The following UPF1 variants were observed in gnomAD, a reference collection of about 807,000 sequenced individuals.
The protein encoded by UPF1 is UPF1 RNA helicase and ATPase.
A neutral mutation model predicts 129.2 loss-of-function variants in UPF1; 9 were observed. The observed-to-expected ratio is 0.07, with a 90% CI of 0.04 to 0.12. The LOEUF (loss-of-function observed/expected upper bound fraction) is 0.12, where lower values mean the gene tolerates loss of function less well. Among genes scored for constraint, UPF1 ranks in the 10% least tolerant of loss-of-function variants. The pLI is 1.00. For synonymous variants in UPF1, 649 were observed against 644.9 expected (o/e 1.01, Z -0.10); for missense variants, 788 against 1,525.3 (o/e 0.52, Z 8.05).
chr19:18,845,906 C>A (rs2055591448), intron 1 of UPF1, 74 bp from the exon 2 acceptor site: 3 of 1,555,188 alleles, frequency 1.9e-6, no homozygotes, highest in Admixed American at 3.7e-5. Flanking sequence ...ACACCAGAGT[C>A]ATCGAGGCTG....
At chr19:18,844,983 C>T (rs2055582195) in intron 1 of UPF1, among the ~76,000 whole-genome samples, 1 of 152,268 alleles carries the variant, frequency 6.6e-6, no homozygotes, top group South Asian at 2.1e-4. Flanking sequence ...AGCACGTGCC[C>T]ATGCACCCCA....
chr19:18,850,221 CAGT>C lies in UPF1; in HGVS notation c.609_611del (p.Val206del). Reference sequence around the variant, plus strand: ...GGCTTCATCCCGGCCAAAGCTGACTCAGTGGTGGTGCTGCTGTGCAGGTGAGTG... The same window carrying C: ...GGCTTCATCCCGGCCAAAGCTGACTCGGTGGTGCTGCTGTGCAGGTGAGTG... On this transcript the variant is annotated inframe_deletion, in exon 4 of 24. Transcript: ENST00000262803. This position sits in a 1 kb window ranked among gnomAD's most constrained non-coding sequence, Gnocchi z 7.1. The C allele has an allele frequency of 1.2e-6, 2 of 1,611,526 alleles. No individual in the cohort carries two copies. Among genetic ancestry groups the C allele is most frequent in the Non-Finnish European group, 8.5e-7 (1 of 1,178,648 alleles).
chr19:18,864,741 T>TTG (rs999596310), intron 20 of UPF1, among the ~76,000 whole-genome samples: 16 of 139,330 alleles, frequency 1.1e-4, no homozygotes, highest in Non-Finnish European at 1.6e-4. Context: ...GTGTTTTTTT[T>TTG]TTTTTTTTTT....
At chr19:18,852,058 C>T in intron 5 of UPF1, 77 bp from the exon 6 acceptor site, 9 of 1,476,508 alleles carry the variant, frequency 6.1e-6, no homozygotes, top group Non-Finnish European at 7.2e-6. Context: ...CTCCATCCCT[C>T]TGGTGCCTCT....
At chr19:18,860,749 G>T (rs2055769640) in intron 16 of UPF1, 77 bp from the exon 17 acceptor site, 1 of 1,572,970 alleles carries the variant, frequency 6.4e-7, no homozygotes, top group East Asian at 2.3e-5. Flanking sequence ...TGTTGTGTCT[G>T]CACCCCTCAC....
Position 18,867,943 on chromosome 19 carries a change from C to T in UPF1, c.*1426C>T, listed in dbSNP as rs1268492304. On this transcript the variant is annotated 3_prime_UTR_variant, in exon 24 of 24. Transcript: ENST00000262803. ...TTCTGGCAGGGACTCTTATTTATTC[C>T]CATTGCTCTAGGGCTTTCGGTTTCC... The T allele has an allele frequency of 6.5e-6, 1 of 152,904 alleles. No homozygotes were observed. The highest frequency in any genetic ancestry group is 1.5e-5 in the Non-Finnish European group (1 of 68,524). 9.5% of individuals were successfully genotyped at this position (152,904 alleles called of 1,614,324 possible).
rs550459325 is a variant in UPF1 at position 18,849,678 on chromosome 19, G to A, written c.462-397G>A. On this transcript the variant is annotated intron_variant, in intron 3 of 23. Transcript: ENST00000262803. ...CCTCTGAGGAGTGATTTCAGAAGAA[G>A]CCACAGAAGATGGTGGCGGGGGTTG... The A allele has an allele frequency of 9.6e-6, 2 of 207,538 alleles. 1 individual carries two copies. Among genetic ancestry groups the A allele is most frequent in the South Asian group, 1.2e-4 (2 of 16,698 alleles). 12.9% of individuals were successfully genotyped at this position (207,538 alleles called of 1,614,324 possible). A position where few individuals can be genotyped will look rare whatever the true frequency, so the allele number is the denominator to read the frequency against.
At chr19:18,839,125 A>C (rs886122663) in intron 1 of UPF1, among the ~76,000 whole-genome samples, 1 of 151,920 alleles carries the variant, frequency 6.6e-6, no homozygotes, top group Non-Finnish European at 1.5e-5. Context: ...GGAGTCTCGC[A>C]CTGTCGCCCA....
Position 18,853,237 on chromosome 19 carries a change from CT to C in UPF1, c.1058-9del. 6.2e-7 allele frequency: 1 copy of C among 1,606,488 alleles called. No homozygotes were observed. The highest frequency in any genetic ancestry group is 8.5e-7 in the Non-Finnish European group (1 of 1,175,368). On this transcript the variant is annotated splice_polypyrimidine_tract_variant and intron_variant, in intron 7 of 23. Transcript: ENST00000262803. This position sits in a 1 kb window ranked among gnomAD's most constrained non-coding sequence, Gnocchi z 4.4. ...TGGGTTAAAATGGCCACCTCTCTCA[CT>C]TTTTTACCTCAAGACATGCGGCTCA...
chr19:18,857,173 A>C, intron 14 of UPF1, 147 bp from the exon 15 acceptor site: 1 of 1,476,920 alleles, frequency 6.8e-7, no homozygotes, highest in Non-Finnish European at 9.1e-7. Context: ...GGGTTCTGCC[A>C]GCTGCACGTC....
In UPF1 at chr19:18,860,940, G is replaced by A; in HGVS notation, c.2415G>A (p.Gln805=). Residue 805 remains glutamine (Q), a synonymous_variant, in exon 17 of 24, where the codon CAG becomes CAA. Coordinates refer to ENST00000262803, the MANE Select transcript of UPF1 (RefSeq NM_002911.4). The part of the protein sequence containing the change: ...PYEGQRSYLV[Q]YMQFSGSLHT... The stretch of plus-strand genomic sequence containing the variant: ...AGGGCCAGCGCTCCTACCTGGTGCA[G>A]TACATGCAGTTCAGCGGCTCCCTGC... 6.3e-7 allele frequency: 1 copy of A among 1,592,124 alleles called. No individual in the cohort carries two copies. The highest frequency in any genetic ancestry group is 2.3e-5 in the East Asian group (1 of 43,616).
intron 1 of UPF1, among the ~76,000 whole-genome samples, chr19:18,839,405 AGAACTT>A (rs1423620352): frequency 6.6e-6 from 1 of 152,256 alleles, no homozygotes; most frequent in East Asian, 1.9e-4. Flanking sequence ...CTTTAAGTAT[AGAACTT>A]AGTGCTGTTT....
Position 18,865,843 on chromosome 19 carries a change from C to A in UPF1, c.3237+65C>A. 1 of 1,599,810 alleles carries A rather than the reference C, an allele frequency of 6.3e-7. No individual in the cohort carries two copies. Among genetic ancestry groups the A allele is most frequent in the East Asian group, 2.2e-5 (1 of 44,616 alleles). ...TGGGGCTATGCACCTGAAACATTCC[C>A]TCTGAAGAGCCCCAGAGAGCTGGCC... On this transcript the variant is annotated intron_variant, in intron 22 of 23. Transcript: ENST00000262803. This position sits in a 1 kb window ranked among gnomAD's most constrained non-coding sequence, Gnocchi z 6.1.
In UPF1 at chr19:18,865,961, C is replaced by T. The variant is rs1272965829; in HGVS notation, c.3238-83C>T. ...TTAGTTTGGGGACGGGTTTTCCATTCTTTTCTCTGGGGCTGCTGAGGGCTG... is the reference window on the plus strand; with the variant it reads ...TTAGTTTGGGGACGGGTTTTCCATTTTTTTCTCTGGGGCTGCTGAGGGCTG... On this transcript the variant is annotated intron_variant, in intron 22 of 23. Transcript: ENST00000262803. This position sits in a 1 kb window ranked among gnomAD's most constrained non-coding sequence, Gnocchi z 6.1. The T allele has an allele frequency of 1.3e-6, 2 of 1,598,676 alleles. No homozygotes were observed. The highest frequency in any genetic ancestry group is 1.1e-5 in the South Asian group (1 of 88,986).
chr19:18,842,149 T>C (rs976795837), intron 1 of UPF1, among the ~76,000 whole-genome samples: 1 of 152,170 alleles, frequency 6.6e-6, no homozygotes, highest in Non-Finnish European at 1.5e-5. Flanking sequence ...GTGGTGGGAC[T>C]ATGTGAAAGA....
Position 18,851,047 on chromosome 19 carries a change from C to G in UPF1, c.810+179C>G, listed in dbSNP as rs966373243. 2 of 685,582 alleles carry G rather than the reference C, an allele frequency of 2.9e-6. No homozygotes were observed. Among genetic ancestry groups the G allele is most frequent in the Non-Finnish European group, 4.5e-6 (2 of 448,698 alleles). The allele number at this position is 685,582 out of a possible 1,614,324, so 42.5% of individuals were successfully genotyped here. A position where few individuals can be genotyped will look rare whatever the true frequency, so the allele number is the denominator to read the frequency against. On this transcript the variant is annotated intron_variant, in intron 5 of 23. Coordinates refer to ENST00000262803, the MANE Select transcript of UPF1 (RefSeq NM_002911.4). This position sits in a 1 kb window ranked among gnomAD's most constrained non-coding sequence, Gnocchi z 4.2. ...CAGGGCACCTTGGTCACCTTCCATC[C>G]AGGCAGCCTTACCTGACCGAGAAGA...
At chr19:18,863,778 G>A (rs1040439243) in intron 19 of UPF1, among the ~76,000 whole-genome samples, 166 bp downstream of exon 19, 3 of 150,318 alleles carry the variant, frequency 2.0e-5, no homozygotes, top group African/African-American at 4.9e-5. Flanking sequence ...CTTGTCTCCC[G>A]AGCCGTGTGT....
rs1601136615 is a variant in UPF1 at position 18,867,004 on chromosome 19, T to C, written c.*487T>C. ...TCCACGCCTACCGGACGCGCCGAGGTCGCGCTGCCTGTGTTCTCCGAGGGC... is the reference window on the plus strand; with the variant it reads ...TCCACGCCTACCGGACGCGCCGAGGCCGCGCTGCCTGTGTTCTCCGAGGGC... On this transcript the variant is annotated 3_prime_UTR_variant, in exon 24 of 24. Coordinates refer to ENST00000262803, the MANE Select transcript of UPF1 (RefSeq NM_002911.4). 1 of 152,508 alleles carries C rather than the reference T, an allele frequency of 6.6e-6. No individual in the cohort carries two copies. Among genetic ancestry groups the C allele is most frequent in the Non-Finnish European group, 1.5e-5 (1 of 68,026 alleles). The allele number at this position is 152,508 out of a possible 1,614,324, so 9.4% of individuals were successfully genotyped here.
chr19:18,855,485 C>A (rs2055707294), intron 11 of UPF1: 6 of 589,284 alleles, frequency 1.0e-5, no homozygotes, highest in Non-Finnish European at 1.5e-5. Context: ...GGCATGGCTG[C>A]AGCAGCGTGA....
Sources: gnomAD v4.1 joint callset for allele counts (sites outside exome capture counted in the v4.1 genomes callset) on GRCh38, gnomAD v4.1.1 for gene constraint, Gnocchi (gnomAD v3.1) non-coding constraint, MANE v1.5 for transcripts, NCBI Gene and HGNC (gene_info 2026-07-23, HGNC 2026-07-21) for gene names.